The following FYN variants were observed in gnomAD, a reference collection of about 807,000 sequenced individuals.
The protein encoded by FYN is tyrosine-protein kinase Fyn.
In FYN, 10 loss-of-function variants were observed where a neutral mutation model predicts 70.2. That is an observed-to-expected ratio of 0.14 (90% CI 0.09 to 0.24). FYN has a LOEUF of 0.24. Among genes scored for constraint, FYN ranks in the 10% least tolerant of loss-of-function variants. The pLI, the probability that FYN is intolerant of heterozygous loss-of-function variation, is 1.00. For missense variants in FYN, 319 were observed against 673.1 expected, an observed-to-expected ratio of 0.47 and a Z score of 5.82; for synonymous variants, 236 against 248.6, an observed-to-expected ratio of 0.95 and a Z score of 0.48.
chr6:111,697,756 G>T (rs1198270914), intron 9 of FYN, among the ~76,000 whole-genome samples: 1 of 152,188 alleles, frequency 6.6e-6, no homozygotes, highest in East Asian at 1.9e-4. Context: ...TGATGGGCAT[G>T]TTGTCTTGTG....
intron 2 of FYN, among the ~76,000 whole-genome samples, chr6:111,790,247 TACAC>T (rs61565042): frequency 0.31 from 39,310 of 125,448 alleles, 5,482 homozygotes; most frequent in South Asian, 0.41. Context: ...GAACCTTAGA[TACAC>T]ACACACACAC....
chr6:111,738,260 C>G (rs576435035), intron 3 of FYN, among the ~76,000 whole-genome samples: 1 of 152,328 alleles, frequency 6.6e-6, no homozygotes, highest in South Asian at 2.1e-4. Flanking sequence ...AAGAACCATG[C>G]CTACCTGAAA....
intron 3 of FYN, among the ~76,000 whole-genome samples, chr6:111,761,116 A>T (rs1232314782): frequency 6.6e-6 from 1 of 152,266 alleles, no homozygotes; most frequent in Non-Finnish European, 1.5e-5. Flanking sequence ...GCCTGACAGC[A>T]GATATCTACA....
chr6:111,718,060 T>A (rs1800752021), intron 4 of FYN, among the ~76,000 whole-genome samples: 2 of 152,222 alleles, frequency 1.3e-5, no homozygotes, highest in Non-Finnish European at 2.9e-5. Flanking sequence ...TAACACTCCA[T>A]GACCAGATTC....
chr6:111,735,619 G>A (rs200259668), intron 3 of FYN, among the ~76,000 whole-genome samples: 2 of 152,146 alleles, frequency 1.3e-5, no homozygotes, highest in East Asian at 3.9e-4. Context: ...GGTCTTGATA[G>A]ACACATACTG....
intron 2 of FYN, among the ~76,000 whole-genome samples, chr6:111,832,165 CA>C (rs895513412): frequency 6.6e-6 from 1 of 152,136 alleles, no homozygotes; most frequent in Admixed American, 6.6e-5. Context: ...ATAAGGGATA[CA>C]AAACCAAAGT....
intron 3 of FYN, among the ~76,000 whole-genome samples, chr6:111,745,154 C>G (rs897973669): frequency 6.6e-6 from 1 of 152,130 alleles, no homozygotes; most frequent in Non-Finnish European, 1.5e-5. Context: ...ATCCACCTAC[C>G]CACCCATTCA....
chr6:111,826,631 A>T lies in FYN; in HGVS notation c.-82+19958T>A, dbSNP rs1015472744. Among the ~76,000 whole-genome samples the T allele has an allele frequency of 7.9e-5, 12 of 152,166 alleles. 1 individual carries two copies. Among genetic ancestry groups the T allele is most frequent in the African/African-American group, 2.9e-4 (12 of 41,432 alleles). On this transcript the variant is annotated intron_variant, in intron 2 of 13. Transcript: ENST00000354650. Reference sequence around the variant, plus strand: ...AAAAGTTCCTCTTTGTTACATTTTTAAAATTGCACTCTTGCTTGCATTTCC... The same window carrying T: ...AAAAGTTCCTCTTTGTTACATTTTTTAAATTGCACTCTTGCTTGCATTTCC...
chr6:111,821,663 A>G (rs1460710554), intron 2 of FYN, among the ~76,000 whole-genome samples: 1 of 152,226 alleles, frequency 6.6e-6, no homozygotes, highest in Non-Finnish European at 1.5e-5. Flanking sequence ...GAGCTTCTGC[A>G]CAGCAAAAGA....
chr6:111,733,371 T>C (rs747828680), intron 3 of FYN, among the ~76,000 whole-genome samples: 10 of 152,208 alleles, frequency 6.6e-5, no homozygotes, highest in Non-Finnish European at 1.5e-4. Context: ...CTAGATCTAA[T>C]ACGCTTGCAT....
chr6:111,744,790 T>C (rs1398605891), intron 3 of FYN, among the ~76,000 whole-genome samples: 1 of 152,098 alleles, frequency 6.6e-6, no homozygotes, highest in Non-Finnish European at 1.5e-5. Context: ...ATTTTCCTAG[T>C]GAGGAAAAAA....
chr6:111,694,836 A>G lies in FYN; in HGVS notation c.1043-132T>C. 1 of 731,102 alleles carries G rather than the reference A, an allele frequency of 1.4e-6. No homozygotes were observed. Among genetic ancestry groups the G allele is most frequent in the Non-Finnish European group, 2.2e-6 (1 of 453,266 alleles). The allele number at this position is 731,102 out of a possible 1,614,324, so 45.3% of individuals were successfully genotyped here. The stretch of plus-strand genomic sequence containing the variant: ...AATGCCATCCACATGGGGGGACAAA[A>G]AGGTTTATATAAAAAAGCAGGGTAG... On this transcript the variant is annotated intron_variant, in intron 10 of 13. Coordinates refer to ENST00000354650, the MANE Select transcript of FYN (RefSeq NM_002037.5). The surrounding 1 kb of genome is among the most constrained non-coding windows in gnomAD (Gnocchi z 5.0).
intron 3 of FYN, among the ~76,000 whole-genome samples, chr6:111,721,047 C>A (rs1800911242): frequency 6.6e-6 from 1 of 152,192 alleles, no homozygotes; most frequent in Non-Finnish European, 1.5e-5. Flanking sequence ...CATTCCCCCA[C>A]CCGCTTCGGG....
chr6:111,866,601 CA>C (rs1441571382), intron 1 of FYN, among the ~76,000 whole-genome samples: 13 of 152,368 alleles, frequency 8.5e-5, no homozygotes, highest in African/African-American at 3.1e-4. Flanking sequence ...CTTGGCTTCC[CA>C]AAGTGCTGGG....
chr6:111,720,430 G>A (rs1800878189), intron 3 of FYN, among the ~76,000 whole-genome samples: 2 of 152,234 alleles, frequency 1.3e-5, no homozygotes, highest in Admixed American at 1.3e-4. Flanking sequence ...AATAATACAT[G>A]CTCTGTAGAA....
intron 3 of FYN, among the ~76,000 whole-genome samples, chr6:111,771,810 C>T (rs1803463817): frequency 6.6e-6 from 1 of 152,184 alleles, no homozygotes; most frequent in African/African-American, 2.4e-5. Context: ...TCCAGCAGTA[C>T]CTGCCCTTTA....
intron 12 of FYN, among the ~76,000 whole-genome samples, chr6:111,689,524 T>C (rs75705274): frequency 0.05 from 7,679 of 152,186 alleles, 566 homozygotes; most frequent in African/African-American, 0.17. Context: ...TGGCCCCAAT[T>C]TGGAAATAAC....
intron 3 of FYN, among the ~76,000 whole-genome samples, chr6:111,755,096 A>T (rs1017450202): frequency 3.9e-5 from 6 of 152,230 alleles, no homozygotes; most frequent in African/African-American, 1.2e-4. Flanking sequence ...TTCTTGGCAG[A>T]ATTTGGATGA....
rs186311726 is a variant in FYN at position 111,674,716 on chromosome 6, A to G, written c.1274-86T>C. 183 of 1,454,112 alleles carry G rather than the reference A, an allele frequency of 1.3e-4. No individual in the cohort carries two copies. The African/African-American group carries it at 1.9e-3, about 15-fold the overall frequency. 90.1% of individuals were successfully genotyped at this position (1,454,112 alleles called of 1,614,324 possible). A position where few individuals can be genotyped will look rare whatever the true frequency, so the allele number is the denominator to read the frequency against. ...GGGAGGGAAAGGCACTTGGCAAGCT[A>G]CTTTCCTGAGAGCAGGTTTAGAGGG... is the stretch of plus-strand genomic sequence containing the variant. On this transcript the variant is annotated intron_variant, in intron 12 of 13. Coordinates refer to ENST00000354650, the MANE Select transcript of FYN (RefSeq NM_002037.5).
Sources: gnomAD v4.1 joint callset for allele counts (sites outside exome capture counted in the v4.1 genomes callset) on GRCh38, gnomAD v4.1.1 for gene constraint, Gnocchi (gnomAD v3.1) non-coding constraint, MANE v1.5 for transcripts, NCBI Gene and HGNC (gene_info 2026-07-23, HGNC 2026-07-21) for gene names.